TLK1: variants seen among roughly 807,000 people sequenced by gnomAD.
TLK1 encodes tousled like kinase 1, also known as serine/threonine-protein kinase tousled-like 1.
Under a neutral mutation model 105.3 loss-of-function variants are expected in TLK1, and 24 were observed. The ratio of observed to expected loss-of-function variants is 0.23; its 90% CI spans 0.17 to 0.32. The LOEUF is 0.32. Ranked by LOEUF, TLK1 falls within the 10% of genes least tolerant of loss-of-function variation. The pLI, the probability that TLK1 is intolerant of heterozygous loss-of-function variation, is 1.00. For missense variants in TLK1, 558 were observed against 910.5 expected (o/e 0.61, Z 4.98); for synonymous variants, 321 against 310.4 (o/e 1.03, Z -0.36).
chr2:171,007,122 GTTTT>G, intron 14 of TLK1, 59 bp from the exon 15 acceptor site: 1 of 1,423,382 alleles, frequency 7.0e-7, no homozygotes, highest in Non-Finnish European at 9.6e-7. Context: ...CTGAAGAGAT[GTTTT>G]TTATTTTGGT....
intron 1 of TLK1, among the ~76,000 whole-genome samples, chr2:171,131,490 G>A (rs1225263891): frequency 6.6e-6 from 1 of 152,108 alleles, no homozygotes; most frequent in Non-Finnish European, 1.5e-5. Flanking sequence ...TGCCTGGTTG[G>A]CCTCAGATTA....
intron 10 of TLK1, among the ~76,000 whole-genome samples, chr2:171,046,963 G>C (rs1686991589): frequency 6.6e-6 from 1 of 152,150 alleles, no homozygotes. Context: ...TTGGTAATGG[G>C]AAGTTGGTGT....
At chr2:171,076,618 A>C (rs1558927558) in intron 3 of TLK1, among the ~76,000 whole-genome samples, 1 of 151,880 alleles carries the variant, frequency 6.6e-6, no homozygotes, top group South Asian at 2.1e-4. Flanking sequence ...GAAAACACTG[A>C]GCAGGACGTG....
intron 1 of TLK1, among the ~76,000 whole-genome samples, chr2:171,230,561 G>T (rs531995945): frequency 6.6e-6 from 1 of 152,162 alleles, no homozygotes; most frequent in South Asian, 2.1e-4. Context: ...CCACACTTTG[G>T]ACCACTCTAA....
At chr2:171,195,983 G>A (rs1479732974) in intron 1 of TLK1, among the ~76,000 whole-genome samples, 6 of 146,590 alleles carry the variant, frequency 4.1e-5, no homozygotes, top group Admixed American at 7.0e-5. Flanking sequence ...GGCTGCAGTG[G>A]GCTGAGATTG....
rs551910179 is a variant in TLK1, at chr2:171,040,726, A to G, written c.1169+5448T>C. 1.3e-4 allele frequency among the ~76,000 whole-genome samples: 20 copies of G among 151,810 alleles called. No homozygotes were observed. In the Middle Eastern group the frequency reaches 0.014, roughly 103 times the overall value. ...TGAGAAGCTGGGACTATAGGTACATACCACCATGTCTGGCTAATTTTTTAT... is the reference window on the plus strand; with the variant it reads ...TGAGAAGCTGGGACTATAGGTACATGCCACCATGTCTGGCTAATTTTTTAT... On this transcript the variant is annotated intron_variant, in intron 11 of 20. Coordinates refer to ENST00000431350, the MANE Select transcript of TLK1 (RefSeq NM_012290.5).
chr2:171,020,063 G>GTAAAA (rs1685418258), intron 12 of TLK1, among the ~76,000 whole-genome samples: 1 of 136,138 alleles, frequency 7.3e-6, no homozygotes. Flanking sequence ...CTCCGTCTCA[G>GTAAAA]AAAAAAAAAA....
At chr2:171,144,395 T>C (rs901522261) in intron 1 of TLK1, among the ~76,000 whole-genome samples, 2 of 152,086 alleles carry the variant, frequency 1.3e-5, no homozygotes, top group African/African-American at 4.8e-5. Flanking sequence ...ACATGGAACA[T>C]TCTCCAGGAT....
intron 20 of TLK1, 51 bp downstream of exon 20, chr2:170,996,602 A>G (rs754722736): frequency 1.1e-4 from 165 of 1,474,014 alleles, no homozygotes; most frequent in Non-Finnish European, 1.4e-4. Context: ...TGTCAGCACA[A>G]CTGATGAAAG....
At chr2:171,127,260 G>A (rs189536112) in intron 1 of TLK1, among the ~76,000 whole-genome samples, 54 of 137,642 alleles carry the variant, frequency 3.9e-4, no homozygotes, top group Admixed American at 3.7e-3. Context: ...CTGGCCAACA[G>A]AGTGAGACTC....
intron 14 of TLK1, 51 bp from the exon 15 acceptor site, chr2:171,007,114 G>A: frequency 6.9e-7 from 1 of 1,456,902 alleles, no homozygotes; most frequent in Non-Finnish European, 9.3e-7. Flanking sequence ...TTGAATAGCT[G>A]AAGAGATGTT....
rs71401413 is a variant in TLK1 at position 171,227,568 on chromosome 2, C to CTTTTTTTTTTTTTTTTTT, written c.-6+3559_-6+3576dup. Among the ~76,000 whole-genome samples, 45 of 55,518 alleles carry CTTTTTTTTTTTTTTTTTT rather than the reference C, an allele frequency of 8.1e-4. 5 individuals are homozygous for CTTTTTTTTTTTTTTTTTT. The highest frequency in any genetic ancestry group is 9.9e-4 in the Non-Finnish European group (30 of 30,290). 36.4% of individuals were successfully genotyped at this position (55,518 alleles called of 152,430 possible). A position where few individuals can be genotyped will look rare whatever the true frequency, so the allele number is the denominator to read the frequency against. On this transcript the variant is annotated intron_variant, in intron 1 of 20. Coordinates refer to the TLK1 transcript ENST00000521943. ...AGTTAGTCATGAGTTAGTAAATCTC[C>CTTTTTTTTTTTTTTTTTT]TTTTTTTTTTTTTTTTTTTTTTTTT...
intron 11 of TLK1, among the ~76,000 whole-genome samples, chr2:171,041,797 G>C (rs1380147714): frequency 6.6e-6 from 1 of 151,940 alleles, no homozygotes. Context: ...TTTCTTGATA[G>C]ACAATTGATA....
At chr2:171,074,486 G>A (rs1483074349) in intron 3 of TLK1, among the ~76,000 whole-genome samples, 1 of 152,040 alleles carries the variant, frequency 6.6e-6, no homozygotes, top group East Asian at 1.9e-4. Context: ...AAACTAACCA[G>A]GCAAGCTGGT....
intron 12 of TLK1, among the ~76,000 whole-genome samples, chr2:171,025,951 C>T (rs964351383): frequency 6.6e-6 from 1 of 152,096 alleles, no homozygotes; most frequent in African/African-American, 2.4e-5. Context: ...ATTCTTCTCA[C>T]CCAAAATAGT....
At chr2:171,145,136 C>T (rs141651161) in intron 1 of TLK1, among the ~76,000 whole-genome samples, 98 of 151,888 alleles carry the variant, frequency 6.5e-4, no homozygotes, top group African/African-American at 2.0e-3. Flanking sequence ...TGGTGAAACC[C>T]GTCTCTAACA....
At chr2:171,056,237 C>T (rs1338692140) in intron 6 of TLK1, among the ~76,000 whole-genome samples, 1 of 152,010 alleles carries the variant, frequency 6.6e-6, no homozygotes, top group Admixed American at 6.6e-5. Context: ...AACAATGCTT[C>T]TTGGATATAA....
intron 1 of TLK1, among the ~76,000 whole-genome samples, chr2:171,145,581 C>T (rs1480043475): frequency 2.1e-5 from 3 of 145,352 alleles, no homozygotes; most frequent in Non-Finnish European, 4.5e-5. Context: ...CAGGGTGAGA[C>T]TCTGTCTCAA....
intron 14 of TLK1, among the ~76,000 whole-genome samples, chr2:171,010,233 G>T (rs950028513): frequency 6.6e-6 from 1 of 151,992 alleles, no homozygotes; most frequent in South Asian, 2.1e-4. Flanking sequence ...GAGGGGAGGG[G>T]AACAAAGGGA....
Sources: gnomAD v4.1 joint callset for allele counts (sites outside exome capture counted in the v4.1 genomes callset) on GRCh38, gnomAD v4.1.1 for gene constraint, MANE v1.5 for transcripts, NCBI Gene and HGNC (gene_info 2026-07-23, HGNC 2026-07-21) for gene names.